Variants in RBM26 observed in about 807,000 individuals in gnomAD.
The protein encoded by RBM26 is RNA-binding protein 26.
RBM26 carries 30 observed loss-of-function variants against 123.6 expected under a neutral mutation model. That is an observed-to-expected ratio of 0.24 (90% CI 0.18 to 0.33). The LOEUF (loss-of-function observed/expected upper bound fraction) is 0.33. Ranked by LOEUF, RBM26 falls within the 10% of genes least tolerant of loss-of-function variation. RBM26 has a pLI of 1.00. For synonymous variants in RBM26, 400 were observed against 404.4 expected, an observed-to-expected ratio of 0.99 and a Z score of 0.13; for missense variants, 947 against 1,203.6, an observed-to-expected ratio of 0.79 and a Z score of 3.15.
rs1052910316 is a variant in RBM26 at position 79,344,496 on chromosome 13, T to C, written c.2184+173A>G. Among the ~76,000 whole-genome samples the C allele has an allele frequency of 4.6e-5, 7 of 152,118 alleles. No homozygotes were observed. In the South Asian group the frequency reaches 8.3e-4, roughly 18 times the overall value. On this transcript the variant is annotated intron_variant, in intron 15 of 21. Coordinates refer to ENST00000438737, the MANE Select transcript of RBM26 (RefSeq NM_001366735.2). Reference sequence around the variant, plus strand: ...GTTTCAAAGATTAATCACAGGAACCTTTCTTTCAAAGAAAAAATTTTTATT... The same window carrying C: ...GTTTCAAAGATTAATCACAGGAACCCTTCTTTCAAAGAAAAAATTTTTATT...
intron 1 of RBM26, among the ~76,000 whole-genome samples, chr13:79,398,437 A>C (rs1395491287): frequency 6.6e-6 from 1 of 152,232 alleles, no homozygotes; most frequent in Non-Finnish European, 1.5e-5. Flanking sequence ...CTCAGCATTC[A>C]GATGGAAAGG....
At chr13:79,378,364 T>C (rs974544405) in intron 2 of RBM26, among the ~76,000 whole-genome samples, 1 of 152,220 alleles carries the variant, frequency 6.6e-6, no homozygotes, top group African/African-American at 2.4e-5. Flanking sequence ...ATAATAATAT[T>C]GTTTATTTAA....
At chr13:79,357,480 C>A (rs1205704901) in intron 11 of RBM26, among the ~76,000 whole-genome samples, 2 of 151,978 alleles carry the variant, frequency 1.3e-5, no homozygotes, top group Non-Finnish European at 2.9e-5. Context: ...GTTACATATA[C>A]CCAAGCCAAG....
chr13:79,391,479 G>A (rs912547538), intron 1 of RBM26, among the ~76,000 whole-genome samples: 1 of 151,962 alleles, frequency 6.6e-6, no homozygotes, highest in Non-Finnish European at 1.5e-5. Flanking sequence ...GCTGGAGTGC[G>A]GTGGCGCCAT....
chr13:79,328,022 C>G (rs942358329), intron 20 of RBM26, among the ~76,000 whole-genome samples: 1 of 151,992 alleles, frequency 6.6e-6, no homozygotes, highest in African/African-American at 2.4e-5. Flanking sequence ...GTAAAAAGTA[C>G]TGAAGAACTT....
Position 79,398,522 on chromosome 13 carries a change from G to T in RBM26, c.71+7182C>A, listed in dbSNP as rs941359307. ...CAAGTTAAGGGGATAAAGAAATAAA[G>T]AAAAATGTTTTAACCAATAATTATA... On this transcript the variant is annotated intron_variant, in intron 1 of 21. Transcript: ENST00000438737. Among the ~76,000 whole-genome samples, 3 of 152,076 alleles carry T rather than the reference G, an allele frequency of 2.0e-5. No homozygotes were observed. In the East Asian group the frequency reaches 5.8e-4, roughly 29 times the overall value.
chr13:79,347,558 C>T (rs1237382183), intron 14 of RBM26, among the ~76,000 whole-genome samples: 1 of 152,106 alleles, frequency 6.6e-6, no homozygotes, highest in Non-Finnish European at 1.5e-5. Flanking sequence ...TTCCTAAGAA[C>T]AGAGACAGTG....
intron 8 of RBM26, 38 bp downstream of exon 8, chr13:79,366,017 G>GAA (rs2075234492): frequency 2.4e-6 from 1 of 411,942 alleles, no homozygotes; most frequent in Non-Finnish European, 3.5e-6. Context: ...ATCTAAAACT[G>GAA]TGTTACATTA....
intron 19 of RBM26, among the ~76,000 whole-genome samples, chr13:79,335,874 G>A (rs2070286309): frequency 6.6e-6 from 1 of 152,016 alleles, no homozygotes; most frequent in Non-Finnish European, 1.5e-5. Context: ...TCTTGTGGAA[G>A]GTGTGGAAGT....
intron 3 of RBM26, among the ~76,000 whole-genome samples, chr13:79,373,701 T>TTA (rs532123942): frequency 0.39 from 28,521 of 73,224 alleles, 4,874 homozygotes; most frequent in Admixed American, 0.49. Context: ...ATATAATATT[T>TTA]TATATATATA....
intron 14 of RBM26, among the ~76,000 whole-genome samples, chr13:79,350,516 A>G (rs2073072449): frequency 6.6e-6 from 1 of 152,200 alleles, no homozygotes; most frequent in African/African-American, 2.4e-5. Flanking sequence ...ACCTCTTGCA[A>G]TATCTTCATA....
chr13:79,370,412 T>C (rs1450522044), intron 5 of RBM26, among the ~76,000 whole-genome samples: 1 of 152,228 alleles, frequency 6.6e-6, no homozygotes, highest in Non-Finnish European at 1.5e-5. Context: ...TCCATTTTGT[T>C]GCATGTATCA....
At chr13:79,404,629 C>T (rs1297607785) in intron 1 of RBM26, among the ~76,000 whole-genome samples, 2 of 152,178 alleles carry the variant, frequency 1.3e-5, no homozygotes, top group African/African-American at 4.8e-5. Context: ...ATCACTTCTG[C>T]TACAGGGCCT....
intron 20 of RBM26, among the ~76,000 whole-genome samples, chr13:79,332,241 C>T (rs1474095452): frequency 1.3e-5 from 2 of 152,078 alleles, no homozygotes; most frequent in Non-Finnish European, 2.9e-5. Flanking sequence ...TTCATGTTCT[C>T]CTACATTTTC....
rs757392733 is a variant in RBM26, at chr13:79,368,986, C to T, written c.639G>A (p.Arg213=). The T allele has an allele frequency of 3.1e-6, 5 of 1,594,454 alleles. No homozygotes were observed. The highest frequency in any genetic ancestry group is 2.3e-5 in the South Asian group (2 of 88,372). ...GGTCATATTTAGGTTTTACCAGATC[C>T]CTTTCTGCAACGAAAGATAAATGAC... ...RSRSRTRSRE[R]DLVKPKYDLD... The change falls in exon 6 of 22, where the codon AGG becomes AGA. Residue 213 remains arginine (R), a synonymous_variant. Transcript: ENST00000438737.
At chr13:79,334,451 AT>A (rs755148135) in intron 19 of RBM26, 21 bp from the exon 20 acceptor site, 1 of 1,313,300 alleles carries the variant, frequency 7.6e-7, no homozygotes, top group Non-Finnish European at 1.1e-6. Flanking sequence ...AAAAAAAAGT[AT>A]TTCCTCCAAA....
intron 1 of RBM26, among the ~76,000 whole-genome samples, chr13:79,394,869 G>A (rs1452225378): frequency 1.7e-4 from 26 of 152,186 alleles, no homozygotes; most frequent in Admixed American, 1.7e-3. Flanking sequence ...TCTGATGTCA[G>A]GTGATCCGTC....
At chr13:79,391,940 T>C (rs1358660666) in intron 1 of RBM26, among the ~76,000 whole-genome samples, 4 of 147,220 alleles carry the variant, frequency 2.7e-5, no homozygotes, top group Non-Finnish European at 6.0e-5. Context: ...TATATATAAT[T>C]ATATATTATA....
chr13:79,370,874 T>C (rs1594428038), intron 5 of RBM26, 71 bp downstream of exon 5: 2 of 1,478,496 alleles, frequency 1.4e-6, no homozygotes, highest in East Asian at 4.5e-5. Context: ...ACTGACAAAA[T>C]GTTAAGCAAT....
Sources: allele counts gnomAD v4.1 joint callset (sites outside exome capture counted in the v4.1 genomes callset), GRCh38; gene constraint gnomAD v4.1.1; transcripts MANE v1.5; gene names NCBI Gene and HGNC (gene_info 2026-07-23, HGNC 2026-07-21).